The following PLCB1 variants were observed in gnomAD, a reference collection of about 807,000 sequenced individuals.
The protein encoded by PLCB1 is 1-phosphatidylinositol 4,5-bisphosphate phosphodiesterase beta-1.
In PLCB1, 46 loss-of-function variants were observed where a neutral mutation model predicts 161.8. The observed-to-expected ratio is 0.28, with a 90% CI of 0.22 to 0.36. The LOEUF (loss-of-function observed/expected upper bound fraction) is 0.36, where lower values mean the gene tolerates loss of function less well. Among genes scored for constraint, PLCB1 ranks in the 10% least tolerant of loss-of-function variants. PLCB1 has a pLI of 1.00. For synonymous variants in PLCB1, 517 were observed against 503.7 expected (o/e 1.03, Z -0.35); for missense variants, 1,016 against 1,472.5 (o/e 0.69, Z 5.07).
At chr20:8,325,361 C>T (rs1449020437) in intron 2 of PLCB1, among the ~76,000 whole-genome samples, 2 of 152,090 alleles carry the variant, frequency 1.3e-5, no homozygotes, top group Admixed American at 6.6e-5. Flanking sequence ...ATCATCCCAG[C>T]GTTTTAGTTA....
At chr20:8,433,041 G>T (rs1451600478) in intron 3 of PLCB1, among the ~76,000 whole-genome samples, 1 of 152,178 alleles carries the variant, frequency 6.6e-6, no homozygotes, top group African/African-American at 2.4e-5. Context: ...AGGATGATCC[G>T]CACTATCAGC....
intron 3 of PLCB1, among the ~76,000 whole-genome samples, chr20:8,624,134 T>C (rs1294174653): frequency 6.6e-6 from 1 of 152,200 alleles, no homozygotes; most frequent in Non-Finnish European, 1.5e-5. Flanking sequence ...CACACGAATC[T>C]CACTTAAGTA....
At chr20:8,328,493 T>A (rs2122183396) in intron 2 of PLCB1, among the ~76,000 whole-genome samples, 1 of 152,054 alleles carries the variant, frequency 6.6e-6, no homozygotes, top group Non-Finnish European at 1.5e-5. Context: ...CATTGCCTGA[T>A]TTTGGCCCTA....
chr20:8,244,252 GATC>G (rs1280624918), intron 2 of PLCB1, among the ~76,000 whole-genome samples: 2 of 151,814 alleles, frequency 1.3e-5, no homozygotes, highest in South Asian at 2.1e-4. Flanking sequence ...TAAGATAAAT[GATC>G]ATATGTGTCC....
chr20:8,135,120 G>A lies in PLCB1; in HGVS notation c.99+2370G>A, dbSNP rs148223270. Among the ~76,000 whole-genome samples, 9 of 152,308 alleles carry A rather than the reference G, an allele frequency of 5.9e-5. No individual in the cohort carries two copies. The East Asian group carries it at 1.7e-3, about 29-fold the overall frequency. ...TTATATTGTACCTTAGTGAGACAGT[G>A]TGTTGAAGACAAAAAAGAACCAGAT... On this transcript the variant is annotated intron_variant, in intron 1 of 31. Transcript: ENST00000338037.
intron 3 of PLCB1, among the ~76,000 whole-genome samples, chr20:8,498,756 G>A (rs1409175058): frequency 2.0e-5 from 3 of 152,178 alleles, no homozygotes; most frequent in South Asian, 2.1e-4. Context: ...GAAATTTGGG[G>A]TAGGCCCAGC....
chr20:8,242,587 G>T (rs1980676691), intron 2 of PLCB1, among the ~76,000 whole-genome samples: 1 of 151,968 alleles, frequency 6.6e-6, no homozygotes, highest in South Asian at 2.1e-4. Context: ...GAGAGGCTGA[G>T]CGCCAGAGGT....
At chr20:8,387,341 T>C (rs186048710) in intron 3 of PLCB1, among the ~76,000 whole-genome samples, 1 of 152,256 alleles carries the variant, frequency 6.6e-6, no homozygotes, top group East Asian at 1.9e-4. Context: ...ATTTCAATAT[T>C]GTTGTGTCTC....
intron 2 of PLCB1, among the ~76,000 whole-genome samples, chr20:8,206,074 A>G (rs750862129): frequency 2.0e-4 from 31 of 152,322 alleles, no homozygotes; most frequent in Middle Eastern, 3.4e-3. Flanking sequence ...AACAAGTTCA[A>G]GAATCAACTA....
At chr20:8,415,499 T>A (rs1979229805) in intron 3 of PLCB1, among the ~76,000 whole-genome samples, 1 of 152,156 alleles carries the variant, frequency 6.6e-6, no homozygotes, top group Non-Finnish European at 1.5e-5. Flanking sequence ...GTGGATTATT[T>A]GAAAGTGATC....
chr20:8,513,165 T>G (rs1046621826), intron 3 of PLCB1, among the ~76,000 whole-genome samples: 4 of 152,232 alleles, frequency 2.6e-5, no homozygotes, highest in Non-Finnish European at 5.9e-5. Flanking sequence ...ATTCCATTTT[T>G]TATAAAGTTC....
At chr20:8,561,781 A>G (rs987844581) in intron 3 of PLCB1, among the ~76,000 whole-genome samples, 2 of 152,048 alleles carry the variant, frequency 1.3e-5, no homozygotes, top group Non-Finnish European at 2.9e-5. Flanking sequence ...CATAAGGATT[A>G]CCGATGTAAT....
intron 2 of PLCB1, among the ~76,000 whole-genome samples, chr20:8,223,630 T>C (rs1483945370): frequency 1.3e-5 from 2 of 152,128 alleles, no homozygotes; most frequent in Non-Finnish European, 2.9e-5. Context: ...TTAAATTCCA[T>C]GGGAAAGGAT....
chr20:8,151,281 A>C (rs2051505596), intron 2 of PLCB1, among the ~76,000 whole-genome samples: 1 of 152,202 alleles, frequency 6.6e-6, no homozygotes, highest in Non-Finnish European at 1.5e-5. Context: ...ACAAATTGTT[A>C]GCTCTTTCAA....
intron 3 of PLCB1, among the ~76,000 whole-genome samples, chr20:8,604,334 A>G (rs923278472): frequency 2.0e-5 from 3 of 151,802 alleles, no homozygotes; most frequent in Non-Finnish European, 2.9e-5. Flanking sequence ...AAAATATGTA[A>G]TATAAATGAA....
chr20:8,748,493 A>T (rs373108888), intron 23 of PLCB1, among the ~76,000 whole-genome samples: 1 of 152,224 alleles, frequency 6.6e-6, no homozygotes, highest in African/African-American at 2.4e-5. Context: ...AAATTTCTAA[A>T]ATTTCAATGG....
At chr20:8,660,384 C>A (rs1989588720) in intron 9 of PLCB1, among the ~76,000 whole-genome samples, 1 of 152,128 alleles carries the variant, frequency 6.6e-6, no homozygotes, top group Non-Finnish European at 1.5e-5. Context: ...ATAACGAACA[C>A]ATTGTTATAA....
At chr20:8,806,000 C>A (rs1984520519) in intron 31 of PLCB1, among the ~76,000 whole-genome samples, 1 of 152,142 alleles carries the variant, frequency 6.6e-6, no homozygotes, top group Non-Finnish European at 1.5e-5. Context: ...TGGCATAGCC[C>A]AGCCTCCACA....
chr20:8,260,949 G>A (rs1981658597), intron 2 of PLCB1, among the ~76,000 whole-genome samples: 1 of 152,118 alleles, frequency 6.6e-6, no homozygotes, highest in African/African-American at 2.4e-5. Context: ...GACTGCCCAT[G>A]GTCAGCGACC....
Sources: allele counts gnomAD v4.1 joint callset (sites outside exome capture counted in the v4.1 genomes callset), GRCh38; gene constraint gnomAD v4.1.1; transcripts MANE v1.5; gene names NCBI Gene and HGNC (gene_info 2026-07-23, HGNC 2026-07-21).